JAKMIP1: variants seen among roughly 807,000 people sequenced by gnomAD.
JAKMIP1 encodes the protein janus kinase and microtubule-interacting protein 1.
A neutral mutation model predicts 113.0 loss-of-function variants in JAKMIP1; 33 were observed. That is an observed-to-expected ratio of 0.29 (90% CI 0.22 to 0.39). The LOEUF (loss-of-function observed/expected upper bound fraction) is 0.39, where lower values mean the gene tolerates loss of function less well. Ranked by LOEUF, JAKMIP1 falls within the 10% of genes least tolerant of loss-of-function variation. JAKMIP1 has a pLI of 1.00. For missense variants in JAKMIP1, 813 were observed against 1,080.5 expected (o/e 0.75, Z 3.47); for synonymous variants, 480 against 459.9 (o/e 1.04, Z -0.56).
intron 3 of JAKMIP1, among the ~76,000 whole-genome samples, chr4:6,101,437 C>A (rs995428862): frequency 1.3e-5 from 2 of 152,146 alleles, no homozygotes; most frequent in Non-Finnish European, 2.9e-5. Flanking sequence ...GTCTCTCTAA[C>A]CTTCAGCCTA....
intron 1 of JAKMIP1, among the ~76,000 whole-genome samples, chr4:6,125,921 A>ATGTAGAAACACACACCATACACACCC: frequency 7.9e-6 from 1 of 127,376 alleles, no homozygotes; most frequent in Admixed American, 7.6e-5. Context: ...CATACACACC[A>ATGTAGAAACACACACCATACACACCC]TGCAGAAACA....
In JAKMIP1 at chr4:6,139,724, C is replaced by T. The variant is rs1272437273; in HGVS notation, c.-147-26727G>A. 6.6e-6 allele frequency among the ~76,000 whole-genome samples: 1 copy of T among 151,886 alleles called. No individual in the cohort carries two copies. The highest frequency in any genetic ancestry group is 1.5e-5 in the Non-Finnish European group (1 of 68,032). ...GAGGTTGCAGTGAGCCAAGACCATG[C>T]CACTGTGCTCCAGCCTGGGTGACAG... On this transcript the variant is annotated intron_variant, in intron 1 of 20. Transcript: ENST00000409021. This position sits in a 1 kb window ranked among gnomAD's most constrained non-coding sequence, Gnocchi z 5.2.
intron 11 of JAKMIP1, among the ~76,000 whole-genome samples, chr4:6,058,197 T>C (rs1291389882): frequency 2.0e-5 from 3 of 152,208 alleles, no homozygotes; most frequent in African/African-American, 4.8e-5. Flanking sequence ...CCTACCCCCC[T>C]GGGGGAGGCT....
rs556555510 is a variant in JAKMIP1, at chr4:6,135,527, C to T, written c.-147-22530G>A. Among the ~76,000 whole-genome samples the T allele has an allele frequency of 1.3e-5, 2 of 152,162 alleles. No individual in the cohort carries two copies. The highest frequency in any genetic ancestry group is 2.4e-5 in the African/African-American group (1 of 41,434). ...GACTGATACAGAGATGCTCCTTGAG[C>T]TGCCCGACCCCACTCCACGGACGGG... On this transcript the variant is annotated intron_variant, in intron 1 of 20. Coordinates refer to ENST00000409021, the MANE Select transcript of JAKMIP1 (RefSeq NM_001099433.2). The surrounding 1 kb of genome is among the most constrained non-coding windows in gnomAD (Gnocchi z 4.9).
At chr4:6,073,617 G>T (rs1341930617) in intron 8 of JAKMIP1, among the ~76,000 whole-genome samples, 1 of 152,164 alleles carries the variant, frequency 6.6e-6, no homozygotes, top group Non-Finnish European at 1.5e-5. Flanking sequence ...AAGGAAGAAG[G>T]AGACACTCTG....
chr4:6,178,146 C>A lies in JAKMIP1; in HGVS notation c.-148+22107G>T, dbSNP rs992638706. Reference sequence around the variant, plus strand: ...GGGATAGGAAAGAAGGAAACAGAAGCCCAAGGCTTTGATATATTTAGCTTT... The same window carrying A: ...GGGATAGGAAAGAAGGAAACAGAAGACCAAGGCTTTGATATATTTAGCTTT... On this transcript the variant is annotated intron_variant, in intron 1 of 20. Coordinates refer to ENST00000409021, the MANE Select transcript of JAKMIP1 (RefSeq NM_001099433.2). The surrounding 1 kb of genome is among the most constrained non-coding windows in gnomAD (Gnocchi z 5.5). 3.3e-5 allele frequency among the ~76,000 whole-genome samples: 5 copies of A among 152,210 alleles called. No homozygotes were observed. The highest frequency in any genetic ancestry group is 1.2e-4 in the African/African-American group (5 of 41,448).
At chr4:6,195,869 C>T (rs1727773445) in intron 1 of JAKMIP1, among the ~76,000 whole-genome samples, 1 of 152,250 alleles carries the variant, frequency 6.6e-6, no homozygotes, top group African/African-American at 2.4e-5. Context: ...GGCACAAATG[C>T]AGCCACAGAC....
chr4:6,177,190 A>G (rs923219117), intron 1 of JAKMIP1, among the ~76,000 whole-genome samples: 1 of 152,220 alleles, frequency 6.6e-6, no homozygotes, highest in African/African-American at 2.4e-5. Context: ...CCCAAAGGGA[A>G]AAAACACTTA....
rs773940748 is a variant in JAKMIP1 at position 6,069,852 on chromosome 4, C to A, written c.1303-4844G>T. ...CATATACAGAGGTGCTCTTCCTCAG[C>A]GGGTCAGATGAAGCAGAGGGAAAAA... On this transcript the variant is annotated intron_variant, in intron 8 of 20. Coordinates refer to ENST00000409021, the MANE Select transcript of JAKMIP1 (RefSeq NM_001099433.2). This position sits in a 1 kb window ranked among gnomAD's most constrained non-coding sequence, Gnocchi z 4.5. 1.3e-5 allele frequency among the ~76,000 whole-genome samples: 2 copies of A among 152,048 alleles called. No individual in the cohort carries two copies. Among genetic ancestry groups the A allele is most frequent in the African/African-American group, 2.4e-5 (1 of 41,380 alleles).
In JAKMIP1 at chr4:6,178,904, C is replaced by T. The variant is rs1321825072; in HGVS notation, c.-148+21349G>A. On this transcript the variant is annotated intron_variant, in intron 1 of 20. Transcript: ENST00000409021. This position sits in a 1 kb window ranked among gnomAD's most constrained non-coding sequence, Gnocchi z 5.5. ...ACATGGGATTGTTCACCAGCTGTCT[C>T]CCTGCCCCGGCACAGTGCCTGGCTC... 2.0e-5 allele frequency among the ~76,000 whole-genome samples: 3 copies of T among 152,216 alleles called. No individual in the cohort carries two copies. Among genetic ancestry groups the T allele is most frequent in the African/African-American group, 7.2e-5 (3 of 41,438 alleles).
At position 6,157,416 on chromosome 4, in the gene JAKMIP1, T is replaced by A. The variant is rs759724580; in HGVS notation, c.-148+42837A>T. 6.6e-6 allele frequency among the ~76,000 whole-genome samples: 1 copy of A among 152,166 alleles called. No individual in the cohort carries two copies. The highest frequency in any genetic ancestry group is 1.5e-5 in the Non-Finnish European group (1 of 68,024). On this transcript the variant is annotated intron_variant, in intron 1 of 20. Coordinates refer to ENST00000409021, the MANE Select transcript of JAKMIP1 (RefSeq NM_001099433.2). The surrounding 1 kb of genome is among the most constrained non-coding windows in gnomAD (Gnocchi z 4.7). The stretch of plus-strand genomic sequence containing the variant: ...GAAAGCTCTCTGAAAAGCAGCAATT[T>A]CTATGGTAATTCAGGTAATTTGTGA...
Position 6,035,945 on chromosome 4 carries a change from T to C in JAKMIP1, c.2338A>G (p.Ile780Val). The C allele has an allele frequency of 6.4e-7, 1 of 1,551,360 alleles. No homozygotes were observed. The highest frequency in any genetic ancestry group is 8.7e-7 in the Non-Finnish European group (1 of 1,146,964). The change falls in exon 19 of 21, where the codon ATC (isoleucine) becomes GTC (valine). Residue 780 changes from isoleucine to valine, a missense_variant. This residue lies in a region of JAKMIP1 where 273 missense variants were observed against 426.6 expected (regional missense o/e 0.64). Coordinates refer to ENST00000409021, the MANE Select transcript of JAKMIP1 (RefSeq NM_001099433.2). ...LRQSREFDSQ[I>V]LRERMELLQQ... ...AGCAGCTCCATGCGCTCCCGCAGGATCTGGCTGTCGAACTCGCGGCTCTGC... is the reference window on the plus strand; with the variant it reads ...AGCAGCTCCATGCGCTCCCGCAGGACCTGGCTGTCGAACTCGCGGCTCTGC...
intron 8 of JAKMIP1, among the ~76,000 whole-genome samples, chr4:6,070,701 GT>G (rs1326168755): frequency 1.3e-5 from 2 of 152,236 alleles, no homozygotes; most frequent in African/African-American, 2.4e-5. Context: ...GTCCTCATGT[GT>G]TTGGGAAATT....
chr4:6,108,866 A>T lies in JAKMIP1; in HGVS notation c.130-2899T>A, dbSNP rs1405244672. On this transcript the variant is annotated intron_variant, in intron 2 of 20. Transcript: ENST00000409021. The surrounding 1 kb of genome is among the most constrained non-coding windows in gnomAD (Gnocchi z 5.6). ...GGACATCTGTAAGAACTCATGTTTGACTTTGTATGGATATAGATGTCATAT... is the reference window on the plus strand; with the variant it reads ...GGACATCTGTAAGAACTCATGTTTGTCTTTGTATGGATATAGATGTCATAT... Among the ~76,000 whole-genome samples the T allele has an allele frequency of 6.6e-6, 1 of 152,238 alleles. No homozygotes were observed. Among genetic ancestry groups the T allele is most frequent in the Non-Finnish European group, 1.5e-5 (1 of 68,042 alleles).
At chr4:6,111,583 G>C (rs915290865) in intron 2 of JAKMIP1, among the ~76,000 whole-genome samples, 3 of 152,216 alleles carry the variant, frequency 2.0e-5, no homozygotes, top group Non-Finnish European at 4.4e-5. Flanking sequence ...TGTCAGATGA[G>C]AAGACAGAGG....
rs548345709 is a variant in JAKMIP1 at position 6,081,909 on chromosome 4, G to T, written c.955-154C>A. Among the ~76,000 whole-genome samples the T allele has an allele frequency of 6.6e-6, 1 of 152,300 alleles. No individual in the cohort carries two copies. Among genetic ancestry groups the T allele is most frequent in the East Asian group, 1.9e-4 (1 of 5,182 alleles). ...TTGTTTGCTAGTTGCATGACAATGGGCAAGTTCTCAGCCTCAGTTTCCTCA... is the reference window on the plus strand; with the variant it reads ...TTGTTTGCTAGTTGCATGACAATGGTCAAGTTCTCAGCCTCAGTTTCCTCA... On this transcript the variant is annotated intron_variant, in intron 5 of 20. Coordinates refer to ENST00000409021, the MANE Select transcript of JAKMIP1 (RefSeq NM_001099433.2). The surrounding 1 kb of genome is among the most constrained non-coding windows in gnomAD (Gnocchi z 4.6).
At chr4:6,085,153 G>A (rs545083217) in intron 4 of JAKMIP1, among the ~76,000 whole-genome samples, 188 bp from the exon 5 acceptor site, 124 of 152,044 alleles carry the variant, frequency 8.2e-4, no homozygotes, top group Non-Finnish European at 1.5e-3. Context: ...CCATCTAGAC[G>A]GCCACTGAGA....
intron 11 of JAKMIP1, among the ~76,000 whole-genome samples, chr4:6,058,098 G>A (rs866493588): frequency 3.9e-5 from 6 of 152,346 alleles, no homozygotes; most frequent in Middle Eastern, 3.4e-3. Flanking sequence ...TCTGGGAAGT[G>A]CTTGCTGGAT....
chr4:6,029,457 G>A (rs984145627), intron 20 of JAKMIP1, among the ~76,000 whole-genome samples: 1 of 152,208 alleles, frequency 6.6e-6, no homozygotes, highest in African/African-American at 2.4e-5. Context: ...GGATTCAGGG[G>A]AAAGTCTTTT....
Sources: allele counts gnomAD v4.1 joint callset (sites outside exome capture counted in the v4.1 genomes callset), GRCh38; gene constraint gnomAD v4.1.1; regional missense constraint gnomAD v4.1.1; non-coding constraint Gnocchi (gnomAD v3.1); transcripts MANE v1.5; gene names NCBI Gene and HGNC (gene_info 2026-07-23, HGNC 2026-07-21).